Variants in DGKB observed in about 807,000 individuals in gnomAD.
DGKB encodes 90 kDa diacylglycerol kinase.
DGKB carries 67 observed loss-of-function variants against 114.3 expected under a neutral mutation model. The ratio of observed to expected loss-of-function variants is 0.59; its 90% CI spans 0.48 to 0.72. The LOEUF (loss-of-function observed/expected upper bound fraction) is 0.72, where lower values mean the gene tolerates loss of function less well. Among genes scored for constraint, DGKB ranks in the 30% least tolerant of loss-of-function variants. The pLI, the probability that DGKB is intolerant of heterozygous loss-of-function variation, is 0.00. For synonymous variants in DGKB, 398 were observed against 323.1 expected, an observed-to-expected ratio of 1.23 and a Z score of -2.49; for missense variants, 907 against 975.2, an observed-to-expected ratio of 0.93 and a Z score of 0.93.
intron 20 of DGKB, 119 bp downstream of exon 20, chr7:14,574,093 T>C (rs1798769354): frequency 1.3e-6 from 1 of 760,306 alleles, no homozygotes; most frequent in East Asian, 2.6e-5. Context: ...AAGAGATGTT[T>C]TGATGGCACA....
chr7:14,472,961 G>A (rs541333260), intron 21 of DGKB, among the ~76,000 whole-genome samples: 1 of 152,248 alleles, frequency 6.6e-6, no homozygotes, highest in East Asian at 1.9e-4. Flanking sequence ...AAGGGAAGTA[G>A]AACATAAAAG....
chr7:14,307,059 T>C (rs572331233), intron 23 of DGKB, among the ~76,000 whole-genome samples: 2 of 152,320 alleles, frequency 1.3e-5, no homozygotes, highest in East Asian at 3.9e-4. Flanking sequence ...TATCATACTT[T>C]ATTATAATTA....
chr7:14,578,741 T>G (rs1799523282), intron 19 of DGKB, among the ~76,000 whole-genome samples: 1 of 152,240 alleles, frequency 6.6e-6, no homozygotes, highest in Non-Finnish European at 1.5e-5. Flanking sequence ...GTTTTCACAT[T>G]TTCTGACCAG....
intron 13 of DGKB, among the ~76,000 whole-genome samples, chr7:14,641,265 T>TGCA (rs200825768): frequency 7.5e-5 from 2 of 26,824 alleles, no homozygotes; most frequent in Admixed American, 6.2e-4. Context: ...ATATAGGGAT[T>TGCA]TGGTTTACAA....
At chr7:14,401,990 G>T (rs13310791) in intron 21 of DGKB, among the ~76,000 whole-genome samples, 1 of 137,508 alleles carries the variant, frequency 7.3e-6, no homozygotes, top group African/African-American at 2.6e-5. Flanking sequence ...ACACACACCC[G>T]CTATTCAGCT....
intron 13 of DGKB, among the ~76,000 whole-genome samples, chr7:14,672,574 T>A (rs1469877246): frequency 6.6e-6 from 1 of 152,040 alleles, no homozygotes; most frequent in Non-Finnish European, 1.5e-5. Flanking sequence ...AATGTGCATC[T>A]CCAGCAAAAT....
intron 23 of DGKB, among the ~76,000 whole-genome samples, chr7:14,307,645 T>C (rs1405022258): frequency 1.3e-5 from 2 of 152,182 alleles, no homozygotes; most frequent in East Asian, 3.8e-4. Flanking sequence ...TGTGGAGAAA[T>C]ATAACATTTG....
chr7:14,800,741 C>T (rs1010252525), intron 2 of DGKB, among the ~76,000 whole-genome samples: 6 of 152,300 alleles, frequency 3.9e-5, no homozygotes, highest in African/African-American at 1.4e-4. Context: ...TGCCAGGCCA[C>T]TTGGACTTTT....
chr7:14,314,448 G>A (rs1273018416), intron 23 of DGKB, among the ~76,000 whole-genome samples: 1 of 151,650 alleles, frequency 6.6e-6, no homozygotes, highest in Non-Finnish European at 1.5e-5. Flanking sequence ...GGAGCTGATG[G>A]AGCTGAAAAC....
chr7:14,495,621 T>A (rs1451151532), intron 20 of DGKB, among the ~76,000 whole-genome samples: 1 of 151,734 alleles, frequency 6.6e-6, no homozygotes. Context: ...TGAGTTTTAT[T>A]TCACATATAA....
At chr7:14,412,993 A>T (rs1825135683) in intron 21 of DGKB, among the ~76,000 whole-genome samples, 2 of 151,842 alleles carry the variant, frequency 1.3e-5, no homozygotes, top group Admixed American at 1.3e-4. Context: ...AAAAAAAAAA[A>T]AGTCAGTGAG....
Position 14,962,830 on chromosome 7 carries a change from T to C in DGKB, c.-188+11866A>G, listed in dbSNP as rs996159459. Reference sequence around the variant, plus strand: ...ACAGCTACTAATGTATAAGCTATTATATGATTCAGGATTCTACCAGTTGCA... The same window carrying C: ...ACAGCTACTAATGTATAAGCTATTACATGATTCAGGATTCTACCAGTTGCA... On this transcript the variant is annotated intron_variant, in intron 1 of 4. Coordinates refer to the DGKB transcript ENST00000437998. Among the ~76,000 whole-genome samples, 3 of 152,182 alleles carry C rather than the reference T, an allele frequency of 2.0e-5. No homozygotes were observed. In the South Asian group the frequency reaches 6.2e-4, roughly 32 times the overall value.
intron 21 of DGKB, among the ~76,000 whole-genome samples, chr7:14,416,577 G>T (rs1005531119): frequency 6.6e-6 from 1 of 151,982 alleles, no homozygotes; most frequent in Non-Finnish European, 1.5e-5. Context: ...AATCATGGGG[G>T]TGGTTTCCCC....
At chr7:14,733,479 G>T (rs181636190) in intron 5 of DGKB, among the ~76,000 whole-genome samples, 1 of 152,084 alleles carries the variant, frequency 6.6e-6, no homozygotes, top group Non-Finnish European at 1.5e-5. Flanking sequence ...TTGAGGCCAG[G>T]CATTCGAGAC....
rs145626614 is a variant in DGKB at position 14,345,172 on chromosome 7, TAAAATCTTG to T, written c.1926+120_1926+128del. On this transcript the variant is annotated intron_variant, in intron 22 of 25. Coordinates refer to ENST00000402815, the MANE Select transcript of DGKB (RefSeq NM_001350709.2). ...CAAATGAGTGAAAGGAATGACAATT[TAAAATCTTG>T]AGTAAGTCTCTGTGGATTGCTAATA... The T allele has an allele frequency of 3.5e-3, 2,032 of 576,916 alleles. 32 individuals are homozygous for T. Among genetic ancestry groups the T allele is most frequent in the African/African-American group, 0.035 (1,842 of 52,944 alleles). The allele number at this position is 576,916 out of a possible 1,614,324, so 35.7% of individuals were successfully genotyped here.
At chr7:14,397,064 T>G (rs190022173) in intron 21 of DGKB, among the ~76,000 whole-genome samples, 1 of 151,992 alleles carries the variant, frequency 6.6e-6, no homozygotes. Flanking sequence ...AGAGAGAAAT[T>G]TACATACAGA....
chr7:14,541,899 G>A (rs1793525371), intron 20 of DGKB, among the ~76,000 whole-genome samples: 1 of 152,070 alleles, frequency 6.6e-6, no homozygotes, highest in Non-Finnish European at 1.5e-5. Flanking sequence ...TTTGTTCTCA[G>A]CACATTTAGA....
chr7:14,211,317 T>C lies in DGKB; in HGVS notation c.2123-33166A>G, dbSNP rs955188916. On this transcript the variant is annotated intron_variant, in intron 23 of 25. Transcript: ENST00000402815. Reference sequence around the variant, plus strand: ...TGATATTTACTCTCATGTTTTGTGATATTTACTCTCATGTTTTGTGATTTT... The same window carrying C: ...TGATATTTACTCTCATGTTTTGTGACATTTACTCTCATGTTTTGTGATTTT... Among the ~76,000 whole-genome samples the C allele has an allele frequency of 4.4e-5, 3 of 67,730 alleles. 1 individual carries two copies. The highest frequency in any genetic ancestry group is 3.2e-4 in the African/African-American group (2 of 6,218). The allele number at this position is 67,730 out of a possible 152,430, so 44.4% of individuals were successfully genotyped here.
At chr7:14,444,725 A>G (rs1362423981) in intron 21 of DGKB, among the ~76,000 whole-genome samples, 2 of 152,042 alleles carry the variant, frequency 1.3e-5, no homozygotes, top group African/African-American at 4.8e-5. Flanking sequence ...CTTTACAAAT[A>G]TATGTAATGC....
Sources: allele counts gnomAD v4.1 joint callset (sites outside exome capture counted in the v4.1 genomes callset), GRCh38; gene constraint gnomAD v4.1.1; transcripts MANE v1.5; gene names NCBI Gene and HGNC (gene_info 2026-07-23, HGNC 2026-07-21).